Variants in PCED1B observed in about 807,000 individuals in gnomAD.
PCED1B encodes the protein PC-esterase domain containing 1B.
For synonymous variants in PCED1B, 251 were observed against 246.1 expected (o/e 1.02, Z -0.19); for missense variants, 573 against 573.9 (o/e 1.00, Z 0.02).
At chr12:47,122,558 A>C (rs1034546514) in intron 2 of PCED1B, among the ~76,000 whole-genome samples, 3 of 152,246 alleles carry the variant, frequency 2.0e-5, no homozygotes, top group African/African-American at 7.2e-5. Flanking sequence ...CAAGATATTT[A>C]GTATGGAAAA....
intron 2 of PCED1B, among the ~76,000 whole-genome samples, chr12:47,194,811 CGT>C (rs1293961772): frequency 2.0e-5 from 3 of 152,122 alleles, no homozygotes; most frequent in Non-Finnish European, 4.4e-5. Context: ...AGAAAGGTGC[CGT>C]GTGGCTAAAT....
chr12:47,156,868 T>C (rs761702354), intron 2 of PCED1B, among the ~76,000 whole-genome samples: 1 of 152,096 alleles, frequency 6.6e-6, no homozygotes, highest in Non-Finnish European at 1.5e-5. Flanking sequence ...CTTGGCCAAG[T>C]CATTTGACCT....
At chr12:47,226,455 C>T (rs1476315995) in intron 3 of PCED1B, among the ~76,000 whole-genome samples, 4 of 152,074 alleles carry the variant, frequency 2.6e-5, no homozygotes, top group Non-Finnish European at 5.9e-5. Context: ...CTCACTGCAA[C>T]CTCCGCCTCC....
At chr12:47,160,524 T>G (rs537428891) in intron 2 of PCED1B, among the ~76,000 whole-genome samples, 1 of 152,010 alleles carries the variant, frequency 6.6e-6, no homozygotes, top group Non-Finnish European at 1.5e-5. Flanking sequence ...TCAGGCTGGT[T>G]TGAACTCCTG....
At position 47,155,585 on chromosome 12, in the gene PCED1B, C is replaced by T. The variant is rs182051406; in HGVS notation, c.-526+51390C>T. ...CTTGCCACATATACATTCATTATTTCCAATCCTTTCAACTACATTGCAAGG... is the reference window on the plus strand; with the variant it reads ...CTTGCCACATATACATTCATTATTTTCAATCCTTTCAACTACATTGCAAGG... On this transcript the variant is annotated intron_variant, in intron 2 of 3. Coordinates refer to ENST00000546455, the MANE Select transcript of PCED1B (RefSeq NM_138371.3). Among the ~76,000 whole-genome samples, 369 of 152,274 alleles carry T rather than the reference C, an allele frequency of 2.4e-3. 1 individual carries two copies. Among genetic ancestry groups the T allele is most frequent in the African/African-American group, 8.7e-3 (361 of 41,546 alleles).
At chr12:47,232,905 T>TTTTATTTATTTA (rs66480040) in intron 3 of PCED1B, among the ~76,000 whole-genome samples, 1 of 144,234 alleles carries the variant, frequency 6.9e-6, no homozygotes, top group Non-Finnish European at 1.5e-5. Flanking sequence ...GACCTAGAAA[T>TTTTATTTATTTA]TTTATTTATT....
chr12:47,082,469 T>C (rs1937781206), intron 1 of PCED1B, among the ~76,000 whole-genome samples: 1 of 152,354 alleles, frequency 6.6e-6, no homozygotes. Flanking sequence ...GGCCACTGCA[T>C]ACTTTTACTT....
chr12:47,222,116 T>TAAA (rs63691461), intron 3 of PCED1B, among the ~76,000 whole-genome samples: 1 of 119,032 alleles, frequency 8.4e-6, no homozygotes, highest in Non-Finnish European at 1.7e-5. Flanking sequence ...AAAAAAAAAT[T>TAAA]AAAAAAAAAA....
chr12:47,126,856 A>T (rs1053698165), intron 2 of PCED1B, among the ~76,000 whole-genome samples: 12 of 152,186 alleles, frequency 7.9e-5, no homozygotes, highest in African/African-American at 2.9e-4. Flanking sequence ...TAGCTTTTCC[A>T]TTCCTGATGT....
chr12:47,150,611 C>T (rs1437366720), intron 2 of PCED1B, among the ~76,000 whole-genome samples: 3 of 151,620 alleles, frequency 2.0e-5, no homozygotes, highest in Non-Finnish European at 4.4e-5. Flanking sequence ...TGTAAGATAC[C>T]TCTTGAACAG....
At chr12:47,148,232 G>A (rs1167408420) in intron 2 of PCED1B, among the ~76,000 whole-genome samples, 2 of 152,124 alleles carry the variant, frequency 1.3e-5, no homozygotes, top group African/African-American at 4.8e-5. Context: ...GAGCCTTCAT[G>A]GCCTAATAAC....
At chr12:47,088,175 T>C (rs1311660526) in intron 1 of PCED1B, among the ~76,000 whole-genome samples, 5 of 152,220 alleles carry the variant, frequency 3.3e-5, no homozygotes, top group Admixed American at 3.3e-4. Flanking sequence ...GTACTTGCCT[T>C]ATTGCCCTTG....
At chr12:47,121,954 C>A (rs1387152126) in intron 2 of PCED1B, among the ~76,000 whole-genome samples, 2 of 150,494 alleles carry the variant, frequency 1.3e-5, no homozygotes, top group African/African-American at 4.9e-5. Context: ...ATCGCTTAAA[C>A]CTAGGGAGGT....
intron 2 of PCED1B, among the ~76,000 whole-genome samples, chr12:47,128,738 T>C (rs1342100918): frequency 6.6e-6 from 1 of 152,216 alleles, no homozygotes; most frequent in African/African-American, 2.4e-5. Flanking sequence ...CATTTGAGAT[T>C]CCTAGTCTTG....
At chr12:47,161,642 G>A (rs538479612) in intron 2 of PCED1B, among the ~76,000 whole-genome samples, 255 of 152,328 alleles carry the variant, frequency 1.7e-3, no homozygotes, top group Middle Eastern at 3.4e-3. Flanking sequence ...TGGAGAAATA[G>A]GAACACTTTT....
Position 47,217,437 on chromosome 12 carries a change from AAAG to A in PCED1B, c.-58+751_-58+753del, listed in dbSNP as rs146747975. Among the ~76,000 whole-genome samples, 187 of 53,402 alleles carry A rather than the reference AAAG, an allele frequency of 3.5e-3. 5 individuals carry two copies. The highest frequency in any genetic ancestry group is 0.019 in the East Asian group (29 of 1,566). 35.0% of individuals were successfully genotyped at this position (53,402 alleles called of 152,430 possible). ...AGAGAGACAGAGAAAGAAGAAAAAAAAAGAAAGAAAGAAAGAAAGAAAAAGAAA... is the reference window on the plus strand; with the variant it reads ...AGAGAGACAGAGAAAGAAGAAAAAAAAAAGAAAGAAAGAAAGAAAAAGAAA... On this transcript the variant is annotated intron_variant, in intron 3 of 3. Transcript: ENST00000546455.
At chr12:47,106,148 G>C (rs1938938219) in intron 2 of PCED1B, among the ~76,000 whole-genome samples, 1 of 151,842 alleles carries the variant, frequency 6.6e-6, no homozygotes, top group African/African-American at 2.4e-5. Flanking sequence ...TCCTGGCCCG[G>C]TGCCCTTTCT....
intron 2 of PCED1B, among the ~76,000 whole-genome samples, chr12:47,142,075 C>T (rs1292122249): frequency 6.6e-6 from 1 of 152,170 alleles, no homozygotes; most frequent in African/African-American, 2.4e-5. Context: ...AACAGGCCTG[C>T]CAGCTGTAGA....
chr12:47,124,344 T>A (rs1204265046), intron 2 of PCED1B, among the ~76,000 whole-genome samples: 2 of 152,080 alleles, frequency 1.3e-5, no homozygotes, highest in Non-Finnish European at 1.5e-5. Context: ...GTTTTATGTA[T>A]CAATAGTTAC....
Sources: gnomAD v4.1 joint callset for allele counts (sites outside exome capture counted in the v4.1 genomes callset) on GRCh38, gnomAD v4.1.1 for gene constraint, MANE v1.5 for transcripts, NCBI Gene and HGNC (gene_info 2026-07-23, HGNC 2026-07-21) for gene names.